The following ERBB4 variants were observed in gnomAD, a reference collection of about 807,000 sequenced individuals.
ERBB4 encodes the protein receptor tyrosine-protein kinase erbB-4.
In ERBB4, 42 loss-of-function variants were observed where a neutral mutation model predicts 158.0. The ratio of observed to expected loss-of-function variants is 0.27; its 90% CI spans 0.21 to 0.34. ERBB4 has a LOEUF of 0.34. ERBB4 is among the 10% of genes least tolerant of loss of function. The pLI, the probability that ERBB4 is intolerant of heterozygous loss-of-function variation, is 1.00. For missense variants in ERBB4, 1,333 were observed against 1,624.1 expected (o/e 0.82, Z 3.08); for synonymous variants, 583 against 558.7 (o/e 1.04, Z -0.61).
In ERBB4 at chr2:212,463,557, T is replaced by A. The variant is rs575771953; in HGVS notation, c.82+74892A>T. ...CATCTACCATAAAATTTCCATATTA[T>A]TTTTACATGTTAAACTTTATTTATA... On this transcript the variant is annotated intron_variant, in intron 1 of 27. Coordinates refer to ENST00000342788, the MANE Select transcript of ERBB4 (RefSeq NM_005235.3). 5.3e-5 allele frequency among the ~76,000 whole-genome samples: 8 copies of A among 152,236 alleles called. No homozygotes were observed. The East Asian group carries it at 1.5e-3, about 29-fold the overall frequency.
chr2:212,408,642 A>C (rs1454957955), intron 1 of ERBB4, among the ~76,000 whole-genome samples: 1 of 152,138 alleles, frequency 6.6e-6, no homozygotes, highest in African/African-American at 2.4e-5. Flanking sequence ...CGATACAGTG[A>C]GACTTCATCT....
At chr2:211,979,516 A>T (rs2081730522) in intron 2 of ERBB4, among the ~76,000 whole-genome samples, 1 of 152,172 alleles carries the variant, frequency 6.6e-6, no homozygotes, top group Admixed American at 6.5e-5. Context: ...TGCTTCTGGT[A>T]ATCCTTAAAC....
At chr2:211,841,192 G>A (rs1361338121) in intron 3 of ERBB4, among the ~76,000 whole-genome samples, 2 of 152,018 alleles carry the variant, frequency 1.3e-5, no homozygotes, top group African/African-American at 4.8e-5. Context: ...GAAAACTGAA[G>A]TTGCCACTAT....
At chr2:211,660,450 A>G (rs2071380472) in intron 15 of ERBB4, among the ~76,000 whole-genome samples, 2 of 152,236 alleles carry the variant, frequency 1.3e-5, no homozygotes, top group Admixed American at 6.5e-5. Flanking sequence ...AAGGAGTTAA[A>G]GAAGACTTAC....
chr2:211,514,386 T>C (rs1360867421), intron 20 of ERBB4, among the ~76,000 whole-genome samples: 1 of 152,174 alleles, frequency 6.6e-6, no homozygotes, highest in African/African-American at 2.4e-5. Flanking sequence ...CCTAAATTCA[T>C]GGTGTAATGA....
intron 11 of ERBB4, among the ~76,000 whole-genome samples, chr2:211,702,976 T>A (rs2073307247): frequency 6.6e-6 from 1 of 152,184 alleles, no homozygotes; most frequent in South Asian, 2.1e-4. Context: ...TTTTCCATTC[T>A]CTAAAGAATA....
intron 19 of ERBB4, among the ~76,000 whole-genome samples, chr2:211,598,032 G>C (rs539791680): frequency 5.9e-5 from 9 of 152,218 alleles, no homozygotes; most frequent in Admixed American, 2.6e-4. Flanking sequence ...ACTTCAGCTA[G>C]AGCCATCTGA....
At chr2:211,598,519 T>C (rs754063282) in intron 19 of ERBB4, among the ~76,000 whole-genome samples, 3 of 152,204 alleles carry the variant, frequency 2.0e-5, no homozygotes, top group African/African-American at 4.8e-5. Context: ...AACTGGGGTA[T>C]GTTGAATCCT....
rs530917830 is a variant in ERBB4 at position 211,907,534 on chromosome 2, C to G, written c.421+39896G>C. Among the ~76,000 whole-genome samples, 14 of 151,382 alleles carry G rather than the reference C, an allele frequency of 9.2e-5. No individual in the cohort carries two copies. The South Asian group carries it at 2.7e-3, about 29-fold the overall frequency. On this transcript the variant is annotated intron_variant, in intron 3 of 27. Coordinates refer to ENST00000342788, the MANE Select transcript of ERBB4 (RefSeq NM_005235.3). ...GTGATTATTTGTCTTGGAAGAAGATCAAGTCATTTTATTTTACCATTCCTT... is the reference window on the plus strand; with the variant it reads ...GTGATTATTTGTCTTGGAAGAAGATGAAGTCATTTTATTTTACCATTCCTT...
At chr2:212,429,273 T>C (rs1272034507) in intron 1 of ERBB4, 1 of 152,170 alleles carries the variant, frequency 6.6e-6, no homozygotes, top group African/African-American at 2.4e-5. Flanking sequence ...CCTTTCTCTC[T>C]CTCTGATTCC....
chr2:212,185,083 C>CA (rs2081980994), intron 1 of ERBB4, among the ~76,000 whole-genome samples: 2 of 148,314 alleles, frequency 1.3e-5, no homozygotes, highest in Admixed American at 1.4e-4. Flanking sequence ...TGTAGTGGCA[C>CA]AATCTTGGCT....
intron 1 of ERBB4, among the ~76,000 whole-genome samples, chr2:212,354,407 G>C (rs2089386090): frequency 6.6e-6 from 1 of 152,028 alleles, no homozygotes; most frequent in South Asian, 2.1e-4. Flanking sequence ...CATGAGAGAA[G>C]GGTAGCAAAT....
intron 16 of ERBB4, among the ~76,000 whole-genome samples, chr2:211,653,482 C>T (rs1345937997): frequency 6.8e-6 from 1 of 148,048 alleles, no homozygotes; most frequent in Admixed American, 6.8e-5. Flanking sequence ...CACCCGCCCC[C>T]CCCCACGCCC....
chr2:211,749,005 T>A (rs1039153097), intron 5 of ERBB4, among the ~76,000 whole-genome samples: 1 of 152,226 alleles, frequency 6.6e-6, no homozygotes, highest in Non-Finnish European at 1.5e-5. Context: ...TCATCTTATT[T>A]AAAAGCCTGT....
At position 212,253,725 on chromosome 2, in the gene ERBB4, A is replaced by C. The variant is rs146362282; in HGVS notation, c.83-128822T>G. On this transcript the variant is annotated intron_variant, in intron 1 of 27. Transcript: ENST00000342788. ...CATGCCTAATTTTTGGGTTGCCGTTAAAAAGTTAGTTAAGTAGTTAAGTAA... is the reference window on the plus strand; with the variant it reads ...CATGCCTAATTTTTGGGTTGCCGTTCAAAAGTTAGTTAAGTAGTTAAGTAA... Among the ~76,000 whole-genome samples the C allele has an allele frequency of 1.4e-4, 21 of 152,316 alleles. 1 individual carries two copies. In the East Asian group the frequency reaches 3.9e-3, roughly 28 times the overall value.
chr2:212,511,263 A>G (rs111243671), intron 1 of ERBB4, among the ~76,000 whole-genome samples: 2,337 of 152,218 alleles, frequency 0.015, 22 homozygotes, highest in Middle Eastern at 0.041. Context: ...AGCATTCCCT[A>G]TTAGGCTTCC....
intron 25 of ERBB4, among the ~76,000 whole-genome samples, chr2:211,414,088 G>C (rs917711732): frequency 6.6e-6 from 1 of 152,140 alleles, no homozygotes; most frequent in African/African-American, 2.4e-5. Context: ...GTGGGGGCGA[G>C]TTGGAGACTC....
At chr2:211,905,681 T>TATATACAC (rs1480195605) in intron 3 of ERBB4, among the ~76,000 whole-genome samples, 180 of 110,558 alleles carry the variant, frequency 1.6e-3, no homozygotes, top group South Asian at 2.9e-3. Flanking sequence ...TATATATATA[T>TATATACAC]ACACACATAT....
At chr2:212,122,382 T>C (rs1575664307) in intron 2 of ERBB4, among the ~76,000 whole-genome samples, 1 of 36,322 alleles carries the variant, frequency 2.8e-5, no homozygotes, top group Non-Finnish European at 8.5e-5. Context: ...ATAAAAAAGA[T>C]ATGTGGAACA....
Sources: gnomAD v4.1 joint callset for allele counts (sites outside exome capture counted in the v4.1 genomes callset) on GRCh38, gnomAD v4.1.1 for gene constraint, MANE v1.5 for transcripts, NCBI Gene and HGNC (gene_info 2026-07-23, HGNC 2026-07-21) for gene names.